The following ACTA2 variants were observed in gnomAD, a reference collection of about 807,000 sequenced individuals.
ACTA2 encodes actin, aortic smooth muscle.
Under a neutral mutation model 39.5 loss-of-function variants are expected in ACTA2, and 12 were observed. The observed-to-expected ratio is 0.30, with a 90% CI of 0.19 to 0.49. The LOEUF (loss-of-function observed/expected upper bound fraction) is 0.49, where lower values mean the gene tolerates loss of function less well. Among genes scored for constraint, ACTA2 ranks in the 20% least tolerant of loss-of-function variants. The pLI is 0.99. For missense variants in ACTA2, 236 were observed against 498.8 expected (o/e 0.47, Z 5.02); for synonymous variants, 158 against 180.6 (o/e 0.88, Z 1.00).
upstream of ACTA2, among the ~76,000 whole-genome samples, chr10:88,953,322 G>C (rs1239948140): frequency 6.6e-6 from 1 of 152,158 alleles, no homozygotes; most frequent in Non-Finnish European, 1.5e-5. Flanking sequence ...TCTTGAGGGA[G>C]GTGAGTGGAA....
intron 7 of ACTA2, chr10:88,939,245 A>T: frequency 3.9e-6 from 2 of 507,660 alleles, no homozygotes; most frequent in South Asian, 4.1e-5. Flanking sequence ...TCCAAAGCAC[A>T]GGCATTATTT....
intron 1 of ACTA2, among the ~76,000 whole-genome samples, chr10:88,960,139 C>T (rs1012574772): frequency 1.1e-4 from 17 of 152,154 alleles, no homozygotes; most frequent in African/African-American, 4.1e-4. Context: ...ACAGCACACA[C>T]TTAAAGAATG....
intron 1 of ACTA2, 104 bp from the exon 2 acceptor site, chr10:88,949,057 G>T: frequency 9.6e-7 from 1 of 1,042,178 alleles, no homozygotes; most frequent in Non-Finnish European, 1.5e-6. Flanking sequence ...CCTCCTCTGT[G>T]TCCTAGTGCT....
At chr10:88,991,315 G>T (rs1589441149) in exon 1 of ACTA2, 1 of 360,986 alleles carries the variant, frequency 2.8e-6, no homozygotes, top group Non-Finnish European at 5.3e-6. Context: ...TCCTGGACAA[G>T]CCCTGACAAG....
rs539829254 is a variant in ACTA2, at chr10:88,984,418, C to T, written c.-24+6521G>A. Among the ~76,000 whole-genome samples the T allele has an allele frequency of 1.2e-4, 18 of 152,236 alleles. 1 individual carries two copies. The East Asian group carries it at 3.5e-3, about 29-fold the overall frequency. ...GTGAGTAGGAATGGATTACACCCCA[C>T]AGTCATGAAGGGCCTTAAATGATAG... On this transcript the variant is annotated intron_variant, in intron 1 of 4. Coordinates refer to the ACTA2 transcript ENST00000415557.
chr10:88,964,803 A>G (rs1846292312), intron 1 of ACTA2, among the ~76,000 whole-genome samples: 1 of 152,152 alleles, frequency 6.6e-6, no homozygotes, highest in Admixed American at 6.5e-5. Context: ...TGTACAAATT[A>G]AGGTATTATG....
chr10:88,956,309 A>G (rs945492890), upstream of ACTA2, among the ~76,000 whole-genome samples: 3 of 152,122 alleles, frequency 2.0e-5, no homozygotes, highest in African/African-American at 4.8e-5. Context: ...GTGGGGGTCT[A>G]TGTCTTTGTA....
chr10:88,941,350 G>T lies in ACTA2; in HGVS notation c.495C>A (p.Val165=), dbSNP rs1253704403. Residue 165 remains valine (V), a synonymous_variant, in exon 6 of 9, where the codon GTC becomes GTA. Coordinates refer to ENST00000224784, the MANE Select transcript of ACTA2 (RefSeq NM_001613.4). The part of the protein sequence containing the change: ...LDSGDGVTHN[V]PIYEGYALPH... ...GCAAGGCATAGCCCTCATAGATGGG[G>T]ACATTGTGGGTGACACCATCTCCAG... is the stretch of plus-strand genomic sequence containing the variant. 24 of 1,613,810 alleles carry T rather than the reference G, an allele frequency of 1.5e-5. No homozygotes were observed. The highest frequency in any genetic ancestry group is 2.0e-5 in the Non-Finnish European group (24 of 1,179,950).
intron 1 of ACTA2, among the ~76,000 whole-genome samples, chr10:88,958,554 A>G (rs1846175448): frequency 6.6e-6 from 1 of 152,164 alleles, no homozygotes; most frequent in Admixed American, 6.5e-5. Context: ...GCACATGCAC[A>G]GAGGTGTGGG....
At chr10:88,948,412 A>C (rs1203832617) in intron 2 of ACTA2, 6 of 197,604 alleles carry the variant, frequency 3.0e-5, no homozygotes, top group Non-Finnish European at 5.3e-5. Flanking sequence ...GCTTGCTTTC[A>C]TCTAACATCA....
chr10:88,987,143 C>T (rs182255045), intron 1 of ACTA2, among the ~76,000 whole-genome samples: 2 of 152,244 alleles, frequency 1.3e-5, no homozygotes, highest in East Asian at 1.9e-4. Flanking sequence ...TGGGCTCTGA[C>T]GCCCTCTAGT....
chr10:88,977,127 G>A (rs544721400), intron 1 of ACTA2, among the ~76,000 whole-genome samples: 115 of 152,118 alleles, frequency 7.6e-4, no homozygotes, highest in African/African-American at 2.6e-3. Flanking sequence ...TGTTCACTCT[G>A]ATGGTAGTTT....
chr10:88,956,078 T>C (rs1846133641), upstream of ACTA2, among the ~76,000 whole-genome samples: 1 of 152,240 alleles, frequency 6.6e-6, no homozygotes, highest in Non-Finnish European at 1.5e-5. Flanking sequence ...AAGTTAGTTC[T>C]AGAGGTGAGA....
chr10:88,941,110 G>A (rs779456234), intron 6 of ACTA2, 119 bp downstream of exon 6: 1 of 1,267,884 alleles, frequency 7.9e-7, no homozygotes, highest in East Asian at 2.4e-5. Context: ...GTGCATTAGA[G>A]CCAGGCCTTG....
In ACTA2 at chr10:88,941,211, A is replaced by T. The variant is rs1457469311; in HGVS notation, c.616+18T>A. 1 of 1,613,312 alleles carries T rather than the reference A, an allele frequency of 6.2e-7. No individual in the cohort carries two copies. The highest frequency in any genetic ancestry group is 1.7e-5 in the Admixed American group (1 of 59,956). On this transcript the variant is annotated intron_variant, in intron 6 of 8. Coordinates refer to ENST00000224784, the MANE Select transcript of ACTA2 (RefSeq NM_001613.4). Reference sequence around the variant, plus strand: ...AACACACTGCTCCCCTCTCCCCCTTATCTCCCACAGGCCTCACCAGTAGTA... The same window carrying T: ...AACACACTGCTCCCCTCTCCCCCTTTTCTCCCACAGGCCTCACCAGTAGTA...
At chr10:88,943,260 G>A (rs900644460) in intron 4 of ACTA2, among the ~76,000 whole-genome samples, 1 of 152,156 alleles carries the variant, frequency 6.6e-6, no homozygotes, top group Non-Finnish European at 1.5e-5. Flanking sequence ...AATGACAATA[G>A]TAAGTACTAT....
At position 88,990,823 on chromosome 10, in the gene ACTA2, C is replaced by A; in HGVS notation, c.-24+116G>T. 1 of 1,613,590 alleles carries A rather than the reference C, an allele frequency of 6.2e-7. No individual in the cohort carries two copies. The highest frequency in any genetic ancestry group is 1.3e-5 in the African/African-American group (1 of 75,040). On this transcript the variant is annotated intron_variant, in intron 1 of 4. Coordinates refer to the ACTA2 transcript ENST00000415557. This position sits in a 1 kb window ranked among gnomAD's most constrained non-coding sequence, Gnocchi z 4.9. Reference sequence around the variant, plus strand: ...CTCTTCTCCCGCGGGTTGGTGGACCCGCTCAGTACGGAGTTGGGGAAGCTC... The same window carrying A: ...CTCTTCTCCCGCGGGTTGGTGGACCAGCTCAGTACGGAGTTGGGGAAGCTC...
At chr10:88,967,448 G>A (rs989114555) in intron 1 of ACTA2, among the ~76,000 whole-genome samples, 4 of 152,134 alleles carry the variant, frequency 2.6e-5, no homozygotes, top group South Asian at 2.1e-4. Flanking sequence ...ATCAGGTGGC[G>A]ATGAGGACAG....
chr10:88,967,633 G>A (rs2133313712), intron 1 of ACTA2, among the ~76,000 whole-genome samples: 1 of 152,262 alleles, frequency 6.6e-6, no homozygotes, highest in Non-Finnish European at 1.5e-5. Context: ...CAGAGCCCTT[G>A]TTTCTTGAAC....
Sources: gnomAD v4.1 joint callset for allele counts (sites outside exome capture counted in the v4.1 genomes callset) on GRCh38, gnomAD v4.1.1 for gene constraint, Gnocchi (gnomAD v3.1) non-coding constraint, MANE v1.5 for transcripts, NCBI Gene and HGNC (gene_info 2026-07-23, HGNC 2026-07-21) for gene names.